Variants in DMD observed in about 807,000 individuals in gnomAD.
DMD encodes the protein dystrophin.
DMD carries 63 observed loss-of-function variants against 330.1 expected under a neutral mutation model. The observed-to-expected ratio is 0.19, with a 90% CI of 0.16 to 0.24. The LOEUF (loss-of-function observed/expected upper bound fraction) is 0.24. DMD is among the 10% of genes least tolerant of loss of function. The pLI is 1.00. For missense variants in DMD, 3,344 were observed against 2,684.1 expected (o/e 1.25, Z -5.43); for synonymous variants, 1,223 against 959.8 (o/e 1.27, Z -5.07).
chrX:32,141,410 T>C (rs769093074), intron 44 of DMD, among the ~76,000 whole-genome samples: 1 of 108,595 alleles, frequency 9.2e-6, no homozygotes, highest in African/African-American at 3.3e-5. Flanking sequence ...CACTTCAGCC[T>C]GGGTGACAGA....
intron 51 of DMD, among the ~76,000 whole-genome samples, chrX:31,759,650 A>C (rs1359582488): frequency 1.8e-5 from 2 of 111,949 alleles, no homozygotes; most frequent in Non-Finnish European, 1.9e-5. Context: ...AGATTTTAAT[A>C]ATTAATCAAT....
chrX:31,284,591 TTC>T (rs1491270395), intron 62 of DMD, among the ~76,000 whole-genome samples: 1 of 101,200 alleles, frequency 9.9e-6, no homozygotes, highest in African/African-American at 3.8e-5. Context: ...CTTCTTCTTC[TTC>T]TTCTTCTTCT....
chrX:31,859,894 C>A (rs947058710), intron 48 of DMD, among the ~76,000 whole-genome samples: 31 of 112,160 alleles, frequency 2.8e-4, no homozygotes, highest in African/African-American at 1.0e-3. Flanking sequence ...AAACCTTCCT[C>A]ATTTAACTTC....
chrX:32,290,236 A>G (rs1316786440), intron 42 of DMD, among the ~76,000 whole-genome samples: 2 of 112,241 alleles, frequency 1.8e-5, no homozygotes, highest in Non-Finnish European at 3.8e-5. Context: ...GGCCTTCTCT[A>G]CTACTCTATT....
intron 55 of DMD, among the ~76,000 whole-genome samples, chrX:31,518,536 G>T (rs2072462253): frequency 1.8e-5 from 2 of 110,123 alleles, no homozygotes; most frequent in Admixed American, 1.9e-4. Flanking sequence ...GGTACTTTTG[G>T]TTTTTTATAT....
At chrX:32,477,456 T>C (rs1159482925) in intron 21 of DMD, among the ~76,000 whole-genome samples, 1 of 110,048 alleles carries the variant, frequency 9.1e-6, no homozygotes, top group East Asian at 2.8e-4. Flanking sequence ...TGTCTTTAAC[T>C]CTTAAAAGAG....
chrX:31,899,002 A>T (rs1225582954), intron 47 of DMD, among the ~76,000 whole-genome samples: 1 of 112,271 alleles, frequency 8.9e-6, no homozygotes, highest in Non-Finnish European at 1.9e-5. Context: ...TTTCTTCCAA[A>T]CAATGAATAT....
chrX:33,327,706 A>G (rs2054108512), intron 1 of DMD, among the ~76,000 whole-genome samples: 1 of 111,626 alleles, frequency 9.0e-6, no homozygotes. Flanking sequence ...AGTGACCCAA[A>G]TCTGTATCAC....
intron 1 of DMD, among the ~76,000 whole-genome samples, chrX:33,306,004 A>G (rs2053757078): frequency 8.9e-6 from 1 of 112,094 alleles, no homozygotes; most frequent in Non-Finnish European, 1.9e-5. Context: ...CTATAATACA[A>G]ACACATTTTC....
chrX:32,785,079 C>A (rs5971660), intron 7 of DMD, among the ~76,000 whole-genome samples: 54,084 of 108,806 alleles, frequency 0.5, 11,931 homozygotes, highest in African/African-American at 0.85. Flanking sequence ...CAATGTCAGA[C>A]TAAGAATAAA....
intron 21 of DMD, 110 bp from the exon 22 acceptor site, chrX:32,472,419 A>T: frequency 1.4e-6 from 1 of 732,419 alleles, no homozygotes; most frequent in Non-Finnish European, 2.0e-6. Context: ...AAATATTAAC[A>T]AAATTAGAAA....
At chrX:32,893,044 AGTT>A (rs2085360437) in intron 2 of DMD, among the ~76,000 whole-genome samples, 1 of 112,401 alleles carries the variant, frequency 8.9e-6, no homozygotes, top group Non-Finnish European at 1.9e-5. Flanking sequence ...GACTGAGAGT[AGTT>A]AATTCATGAG....
chrX:31,440,696 G>T (rs2064876748), intron 60 of DMD, among the ~76,000 whole-genome samples: 1 of 112,026 alleles, frequency 8.9e-6, no homozygotes, highest in Admixed American at 9.5e-5. Context: ...ATGCACATGA[G>T]GACTTTTTCT....
At chrX:33,273,738 T>C (rs1167756438) in intron 1 of DMD, among the ~76,000 whole-genome samples, 1 of 112,612 alleles carries the variant, frequency 8.9e-6, no homozygotes, top group Non-Finnish European at 1.9e-5. Flanking sequence ...ATCAAAACAC[T>C]ACAGCAGTAT....
At chrX:31,676,884 C>T (rs762240695) in intron 53 of DMD, among the ~76,000 whole-genome samples, 2 of 112,108 alleles carry the variant, frequency 1.8e-5, no homozygotes, top group African/African-American at 6.5e-5. Flanking sequence ...TAGCATACAT[C>T]ATTCAAGAAA....
chrX:31,956,759 A>G (rs1041832153), intron 45 of DMD, among the ~76,000 whole-genome samples: 2 of 112,422 alleles, frequency 1.8e-5, no homozygotes, highest in Non-Finnish European at 3.8e-5. Flanking sequence ...TGTGTGTTTA[A>G]GTAACAGTGA....
At chrX:32,827,016 T>C (rs1402842289) in intron 4 of DMD, among the ~76,000 whole-genome samples, 1 of 105,937 alleles carries the variant, frequency 9.4e-6, no homozygotes, top group Non-Finnish European at 1.9e-5. Flanking sequence ...TCATTTGTAT[T>C]TTACCACAAT....
At chrX:32,345,527 T>A (rs1208661927) in intron 39 of DMD, among the ~76,000 whole-genome samples, 1 of 111,376 alleles carries the variant, frequency 9.0e-6, no homozygotes, top group Non-Finnish European at 1.9e-5. Flanking sequence ...TAAACAAGTA[T>A]CAGGTTACCA....
rs1007351423 is a variant in DMD at position 32,051,749 on chromosome X, G to A, written c.6439-83235C>T. Among the ~76,000 whole-genome samples the A allele has an allele frequency of 9.9e-5, 11 of 110,936 alleles. No individual in the cohort carries two copies. The East Asian group carries it at 2.0e-3, about 20-fold the overall frequency. ...TAGGAGTTAAGGGTCTCCTGTCATC[G>A]ACAGCCCTAGAGAAGTTACGAAAGA... On this transcript the variant is annotated intron_variant, in intron 44 of 78. Coordinates refer to ENST00000357033, the MANE Select transcript of DMD (RefSeq NM_004006.3).
Sources: gnomAD v4.1 joint callset for allele counts (sites outside exome capture counted in the v4.1 genomes callset) on GRCh38, gnomAD v4.1.1 for gene constraint, MANE v1.5 for transcripts, NCBI Gene and HGNC (gene_info 2026-07-23, HGNC 2026-07-21) for gene names.